CCDC91: variants seen among roughly 807,000 people sequenced by gnomAD.
The protein encoded by CCDC91 is coiled-coil domain-containing protein 91.
Under a neutral mutation model 63.2 loss-of-function variants are expected in CCDC91, and 48 were observed. The observed-to-expected ratio is 0.76, with a 90% CI of 0.60 to 0.97. The LOEUF (loss-of-function observed/expected upper bound fraction) is 0.97, where lower values mean the gene tolerates loss of function less well. CCDC91 is among the 50% of genes least tolerant of loss of function. CCDC91 has a pLI of 0.00. For synonymous variants in CCDC91, 167 were observed against 165.8 expected, an observed-to-expected ratio of 1.01 and a Z score of -0.06; for missense variants, 500 against 494.6, an observed-to-expected ratio of 1.01 and a Z score of -0.10.
chr12:28,364,438 T>A (rs1377513810), intron 7 of CCDC91, among the ~76,000 whole-genome samples: 1 of 152,170 alleles, frequency 6.6e-6, no homozygotes, highest in Non-Finnish European at 1.5e-5. Flanking sequence ...GCAATGATAA[T>A]TGGCCCTTTT....
At chr12:28,298,727 TA>T (rs138233289) in intron 3 of CCDC91, among the ~76,000 whole-genome samples, 20 of 145,482 alleles carry the variant, frequency 1.4e-4, no homozygotes, top group African/African-American at 2.5e-4. Context: ...CTTGATTTTG[TA>T]AAAAAAAAAC....
rs890242446 is a variant in CCDC91, at chr12:28,550,110, A to C, written c.*937A>C. The C allele has an allele frequency of 3.9e-5, 6 of 152,444 alleles. No homozygotes were observed. Among genetic ancestry groups the C allele is most frequent in the African/African-American group, 1.4e-4 (6 of 41,412 alleles). 9.4% of individuals were successfully genotyped at this position (152,444 alleles called of 1,614,324 possible). A position where few individuals can be genotyped will look rare whatever the true frequency, so the allele number is the denominator to read the frequency against. ...TATTTTCTGAAATGCATCTACTTTC[A>C]TGGGCTTTGTACGTTTCTGAGATTT... On this transcript the variant is annotated 3_prime_UTR_variant, in exon 13 of 13. Coordinates refer to ENST00000536442, the MANE Select transcript of CCDC91 (RefSeq NM_018318.5).
At chr12:28,529,140 A>G (rs1238548845) in intron 12 of CCDC91, among the ~76,000 whole-genome samples, 7 of 152,186 alleles carry the variant, frequency 4.6e-5, no homozygotes, top group Admixed American at 3.3e-4. Context: ...ATTTAAACAT[A>G]TGACATACTG....
At chr12:28,490,881 T>C (rs189751679) in intron 12 of CCDC91, among the ~76,000 whole-genome samples, 6 of 151,508 alleles carry the variant, frequency 4.0e-5, no homozygotes, top group Non-Finnish European at 8.9e-5. Flanking sequence ...TACTGACATG[T>C]GGACAATCAC....
intron 12 of CCDC91, among the ~76,000 whole-genome samples, chr12:28,530,805 G>T (rs1169050262): frequency 6.6e-6 from 1 of 152,080 alleles, no homozygotes; most frequent in African/African-American, 2.4e-5. Flanking sequence ...CCACTGAAAG[G>T]AGTCTCCTTT....
rs534651948 is a variant in CCDC91, at chr12:28,275,827, C to T, written c.109+16385C>T. ...CAAGGCTGTTTCAACATATGCAAAT[C>T]AATAAACGTAATCCAGCATATAAAC... On this transcript the variant is annotated intron_variant, in intron 3 of 12. Transcript: ENST00000536442. Among the ~76,000 whole-genome samples, 177 of 152,182 alleles carry T rather than the reference C, an allele frequency of 1.2e-3. 1 individual carries two copies. The highest frequency in any genetic ancestry group is 4.2e-3 in the African/African-American group (173 of 41,526).
chr12:28,547,049 A>G (rs560419881), intron 12 of CCDC91, among the ~76,000 whole-genome samples: 3 of 152,240 alleles, frequency 2.0e-5, no homozygotes, highest in African/African-American at 7.2e-5. Flanking sequence ...AGTAATGGCA[A>G]TGAAATAAAG....
chr12:28,438,001 G>T (rs1242835203), intron 8 of CCDC91, among the ~76,000 whole-genome samples: 4 of 152,080 alleles, frequency 2.6e-5, no homozygotes, highest in Non-Finnish European at 5.9e-5. Context: ...TAAATACGTA[G>T]TATTTTCTGA....
intron 12 of CCDC91, among the ~76,000 whole-genome samples, chr12:28,522,948 A>G (rs958755382): frequency 2.0e-5 from 3 of 152,110 alleles, no homozygotes; most frequent in Non-Finnish European, 4.4e-5. Context: ...ACAGTTTGTT[A>G]TAATTTCTGT....
chr12:28,511,284 T>C (rs1939348503), intron 12 of CCDC91, among the ~76,000 whole-genome samples: 1 of 151,886 alleles, frequency 6.6e-6, no homozygotes, highest in Non-Finnish European at 1.5e-5. Flanking sequence ...ATACAGCAGC[T>C]AAATTCCCAG....
chr12:28,224,289 G>C (rs1358925898), intron 1 of CCDC91, among the ~76,000 whole-genome samples: 1 of 152,022 alleles, frequency 6.6e-6, no homozygotes, highest in African/African-American at 2.4e-5. Flanking sequence ...TTAAGCTGAG[G>C]TTCCCAAAGG....
chr12:28,433,476 C>G (rs1565964891), intron 8 of CCDC91, among the ~76,000 whole-genome samples: 3 of 151,858 alleles, frequency 2.0e-5, no homozygotes, highest in Admixed American at 1.3e-4. Context: ...AAAAGACTAT[C>G]TTTTCTCCAT....
chr12:28,379,378 GA>G (rs1485320993), intron 7 of CCDC91, among the ~76,000 whole-genome samples: 1 of 146,384 alleles, frequency 6.8e-6, no homozygotes, highest in East Asian at 2.1e-4. Flanking sequence ...TACAGAATGG[GA>G]GAAAATTTTT....
At chr12:28,493,114 T>C (rs1952097849) in intron 12 of CCDC91, among the ~76,000 whole-genome samples, 1 of 151,710 alleles carries the variant, frequency 6.6e-6, no homozygotes, top group Non-Finnish European at 1.5e-5. Flanking sequence ...ATGGGTGCTT[T>C]ATATTTACTG....
At chr12:28,417,586 G>C (rs1222785166) in intron 8 of CCDC91, among the ~76,000 whole-genome samples, 1 of 150,444 alleles carries the variant, frequency 6.6e-6, no homozygotes, top group Non-Finnish European at 1.5e-5. Flanking sequence ...TATTAAAATT[G>C]TGTGTATTTA....
chr12:28,522,442 C>A (rs1271447980), intron 12 of CCDC91, among the ~76,000 whole-genome samples: 1 of 151,804 alleles, frequency 6.6e-6, no homozygotes, highest in African/African-American at 2.4e-5. Context: ...TTTTTTATTG[C>A]GTCTATTTGA....
At chr12:28,376,287 G>T (rs369328581) in intron 7 of CCDC91, among the ~76,000 whole-genome samples, 2 of 151,626 alleles carry the variant, frequency 1.3e-5, no homozygotes, top group East Asian at 3.9e-4. Flanking sequence ...GGGTGGGTGT[G>T]CATACGTGTA....
At chr12:28,383,883 T>C (rs1171317878) in intron 7 of CCDC91, among the ~76,000 whole-genome samples, 2 of 152,188 alleles carry the variant, frequency 1.3e-5, no homozygotes, top group African/African-American at 4.8e-5. Context: ...TGAAGCTCTT[T>C]TAAAATACAT....
At chr12:28,503,209 T>C (rs191528761) in intron 12 of CCDC91, among the ~76,000 whole-genome samples, 12 of 152,014 alleles carry the variant, frequency 7.9e-5, no homozygotes, top group Admixed American at 3.9e-4. Context: ...ATATCCAGAA[T>C]CTACAATGAA....
Sources: gnomAD v4.1 joint callset for allele counts (sites outside exome capture counted in the v4.1 genomes callset) on GRCh38, gnomAD v4.1.1 for gene constraint, MANE v1.5 for transcripts, NCBI Gene and HGNC (gene_info 2026-07-23, HGNC 2026-07-21) for gene names.